MTMR8: variants seen among roughly 807,000 people sequenced by gnomAD.
MTMR8 encodes the protein phosphatidylinositol-3,5-bisphosphate 3-phosphatase MTMR8.
A neutral mutation model predicts 39.3 loss-of-function variants in MTMR8; 65 were observed. That is an observed-to-expected ratio of 1.65 (90% confidence interval 1.35 to 2.03). MTMR8 has a LOEUF of 2.03. MTMR8 is among the 30% of genes most tolerant of loss of function. The probability of loss-of-function intolerance (pLI) is 0.00; values close to 1 mark genes in which losing one functional copy is unlikely to be tolerated. For synonymous variants in MTMR8, 245 were observed against 185.2 expected, an observed-to-expected ratio of 1.32 and a Z score of -2.62; for missense variants, 777 against 538.9, an observed-to-expected ratio of 1.44 and a Z score of -4.37.
chrX:64,344,981 C>T, intron 7 of MTMR8, 64 bp downstream of exon 7: 3 of 1,149,885 alleles, frequency 2.6e-6, no homozygotes, highest in Non-Finnish European at 3.5e-6. Flanking sequence ...ATCAGGCATG[C>T]TTTCTGCTTA....
rs144545484 is a variant in MTMR8 at position 64,268,920 on chromosome X, C to T, written c.1732G>A (p.Asp578Asn). The T allele has an allele frequency of 8.3e-7, 1 of 1,209,833 alleles. No individual in the cohort carries two copies. The highest frequency in any genetic ancestry group is 1.8e-5 in the African/African-American group (1 of 57,093). Reference protein sequence around the residue: ...NPLGFMGINGDLNTLMENGTL... With the variant: ...NPLGFMGINGNLNTLMENGTL... ...CCATTCTCCATCAGGGTATTCAGGT[C>T]TCCATTGATACCCATAAAGCCAAGA... is the stretch of plus-strand genomic sequence containing the variant. The change falls in exon 14 of 14, where the codon GAC becomes AAC. Residue 578 changes from aspartate to asparagine, a missense_variant. Asp to Asn is a conservative substitution (Grantham distance 23, BLOSUM62 1). Coordinates refer to ENST00000374852, the MANE Select transcript of MTMR8 (RefSeq NM_017677.4).
intron 1 of MTMR8, among the ~76,000 whole-genome samples, chrX:64,388,625 A>C (rs1027530791): frequency 3.5e-4 from 39 of 112,400 alleles, no homozygotes; most frequent in Non-Finnish European, 2.4e-4. Context: ...TTAAATGCTG[A>C]AAGCACTCAA....
intron 1 of MTMR8, among the ~76,000 whole-genome samples, chrX:64,369,887 C>A (rs770778587): frequency 3.6e-4 from 40 of 111,071 alleles, no homozygotes; most frequent in Non-Finnish European, 6.6e-4. Flanking sequence ...GTACATACAG[C>A]AATATAAATA....
At chrX:64,307,208 A>C (rs1047560715) in intron 12 of MTMR8, among the ~76,000 whole-genome samples, 2 of 111,987 alleles carry the variant, frequency 1.8e-5, no homozygotes, top group Non-Finnish European at 3.8e-5. Context: ...CCCAGTCTGT[A>C]GCTCTGTAGC....
At chrX:64,368,229 C>T (rs1463748259) in intron 1 of MTMR8, among the ~76,000 whole-genome samples, 1 of 111,050 alleles carries the variant, frequency 9.0e-6, no homozygotes, top group Non-Finnish European at 1.9e-5. Flanking sequence ...ATACCAATTA[C>T]TTTCTTCACA....
intron 12 of MTMR8, among the ~76,000 whole-genome samples, chrX:64,279,793 C>T (rs1192837674): frequency 9.0e-6 from 1 of 111,481 alleles, no homozygotes; most frequent in Admixed American, 9.5e-5. Flanking sequence ...CACATATGGA[C>T]CAATGGAATA....
At chrX:64,281,140 T>G (rs748310181) in intron 12 of MTMR8, among the ~76,000 whole-genome samples, 1 of 111,460 alleles carries the variant, frequency 9.0e-6, no homozygotes, top group East Asian at 2.8e-4. Context: ...AATTTAGAGA[T>G]TCAATGCTCT....
intron 1 of MTMR8, among the ~76,000 whole-genome samples, chrX:64,381,446 G>GTTTTTTTTTTTTTTTTTTTTTTT (rs150707143): frequency 1.1e-5 from 1 of 91,773 alleles, no homozygotes; most frequent in African/African-American, 4.0e-5. Flanking sequence ...CGATGGGGTT[G>GTTTTTTTTTTTTTTTTTTTTTTT]TTTTTTTTTT....
Position 64,328,771 on chromosome X carries a change from C to G in MTMR8, c.1481+1G>C, listed in dbSNP as rs925761283. ...AAGGAGGGAAAAACTTAAGAACTTA[C>G]TGAATGTTGTAGGGCACAGTACTAG... On this transcript the variant is annotated splice_donor_variant, in intron 12 of 13. Coordinates refer to ENST00000374852, the MANE Select transcript of MTMR8 (RefSeq NM_017677.4). LOFTEE classifies it high-confidence loss of function. 2 of 1,153,101 alleles carry G rather than the reference C, an allele frequency of 1.7e-6. No individual in the cohort carries two copies. Among genetic ancestry groups the G allele is most frequent in the South Asian group, 2.1e-5 (1 of 47,358 alleles).
rs752015528 is a variant in MTMR8, at chrX:64,324,492, G to A, written c.1481+4280C>T. 2.7e-5 allele frequency among the ~76,000 whole-genome samples: 3 copies of A among 110,854 alleles called. No individual in the cohort carries two copies. In the South Asian group the frequency reaches 1.2e-3, roughly 43 times the overall value. On this transcript the variant is annotated intron_variant, in intron 12 of 13. Transcript: ENST00000374852. ...GAGGCCAGGAGTTCAAGACCAGCCT[G>A]GGCAACATAGTGAGACCCCCATCTC...
chrX:64,364,880 T>A (rs1923901940), intron 1 of MTMR8, among the ~76,000 whole-genome samples: 1 of 111,136 alleles, frequency 9.0e-6, no homozygotes, highest in African/African-American at 3.3e-5. Context: ...ATTAGACGAA[T>A]GGCTAACTAG....
rs537003359 is a variant in MTMR8 at position 64,334,570 on chromosome X, T to TAA, written c.1151+1507_1151+1508dup. ...CACAAAACACTCAAATCTTTCAGCT[T>TAA]AAAAAAAAAAAAAAAAAAAAAAAAA... On this transcript the variant is annotated intron_variant, in intron 10 of 13. Transcript: ENST00000374852. Among the ~76,000 whole-genome samples, 40 of 69,306 alleles carry TAA rather than the reference T, an allele frequency of 5.8e-4. 1 individual carries two copies. The highest frequency in any genetic ancestry group is 9.4e-4 in the African/African-American group (20 of 21,366). 60.2% of individuals were successfully genotyped at this position (69,306 alleles called of 115,157 possible). A position where few individuals can be genotyped will look rare whatever the true frequency, so the allele number is the denominator to read the frequency against.
chrX:64,286,038 C>T (rs1239154809), intron 12 of MTMR8, among the ~76,000 whole-genome samples: 1 of 111,265 alleles, frequency 9.0e-6, no homozygotes, highest in Non-Finnish European at 1.9e-5. Context: ...AATCCAGGAA[C>T]TGAGTTTTTG....
intron 5 of MTMR8, 128 bp downstream of exon 5, chrX:64,349,814 A>C: frequency 2.2e-6 from 1 of 459,205 alleles, no homozygotes; most frequent in Middle Eastern, 4.8e-4. Flanking sequence ...AACCTTCAGA[A>C]GTATGAAAGT....
chrX:64,375,369 A>C (rs745501264), intron 1 of MTMR8, among the ~76,000 whole-genome samples: 1 of 110,853 alleles, frequency 9.0e-6, no homozygotes, highest in Non-Finnish European at 1.9e-5. Context: ...AAAAAAAAAA[A>C]GTAAAGGGAT....
chrX:64,269,480 T>A (rs961834161), intron 13 of MTMR8, among the ~76,000 whole-genome samples: 3 of 111,403 alleles, frequency 2.7e-5, no homozygotes, highest in Non-Finnish European at 5.7e-5. Context: ...AATTCGCACA[T>A]GTACAAAGTA....
chrX:64,389,897 CT>C (rs1299827974), intron 1 of MTMR8, among the ~76,000 whole-genome samples: 1 of 111,709 alleles, frequency 9.0e-6, no homozygotes, highest in East Asian at 2.8e-4. Context: ...TTTGTCCATG[CT>C]TTTTCCATTA....
At chrX:64,284,525 G>A (rs1382882372) in intron 12 of MTMR8, among the ~76,000 whole-genome samples, 1 of 111,512 alleles carries the variant, frequency 9.0e-6, no homozygotes, top group Non-Finnish European at 1.9e-5. Flanking sequence ...ATAATTGTCA[G>A]ATTCATCAAA....
chrX:64,268,086 T>G lies in MTMR8; in HGVS notation c.*451A>C. ...TGACTAAGCATACCTGAAAGTAAAATTTTCTTTCAATTTATTCTGCAATTC... is the reference window on the plus strand; with the variant it reads ...TGACTAAGCATACCTGAAAGTAAAAGTTTCTTTCAATTTATTCTGCAATTC... On this transcript the variant is annotated 3_prime_UTR_variant, in exon 14 of 14. Transcript: ENST00000374852. 8.4e-6 allele frequency: 1 copy of G among 119,238 alleles called. No homozygotes were observed. Among genetic ancestry groups the G allele is most frequent in the South Asian group, 3.5e-4 (1 of 2,861 alleles). 9.8% of individuals were successfully genotyped at this position (119,238 alleles called of 1,213,427 possible).
Sources: gnomAD v4.1 joint callset for allele counts (sites outside exome capture counted in the v4.1 genomes callset) on GRCh38, gnomAD v4.1.1 for gene constraint, MANE v1.5 for transcripts, NCBI Gene and HGNC (gene_info 2026-07-23, HGNC 2026-07-21) for gene names.